SPRED1: variants seen among roughly 807,000 people sequenced by gnomAD.
SPRED1 encodes sprouty related EVH1 domain containing 1, also known as sprouty-related, EVH1 domain-containing protein 1.
SPRED1 carries 18 observed loss-of-function variants against 52.3 expected under a neutral mutation model. The ratio of observed to expected loss-of-function variants is 0.34; its 90% CI spans 0.24 to 0.51. The LOEUF (loss-of-function observed/expected upper bound fraction) is 0.51. SPRED1 is among the 20% of genes least tolerant of loss of function. The pLI is 0.97. For missense variants in SPRED1, 485 were observed against 551.0 expected (o/e 0.88, Z 1.20); for synonymous variants, 155 against 179.7 (o/e 0.86, Z 1.10).
intron 2 of SPRED1, among the ~76,000 whole-genome samples, chr15:38,310,644 TAG>T (rs1895347466): frequency 6.6e-6 from 1 of 152,240 alleles, no homozygotes; most frequent in Admixed American, 6.5e-5. Context: ...TTTCAACACA[TAG>T]ATCTTATATG....
intron 2 of SPRED1, among the ~76,000 whole-genome samples, chr15:38,308,251 G>A (rs779296510): frequency 6.6e-5 from 10 of 152,166 alleles, no homozygotes; most frequent in Non-Finnish European, 1.5e-4. Flanking sequence ...AATAATAAAT[G>A]CTGTGTACAC....
At chr15:38,259,553 T>TA (rs1186028837) in intron 1 of SPRED1, among the ~76,000 whole-genome samples, 1 of 152,118 alleles carries the variant, frequency 6.6e-6, no homozygotes, top group East Asian at 1.9e-4. Context: ...GCCCTCATTT[T>TA]AAAAAAGAGA....
chr15:38,349,309 G>A (rs896528625), intron 5 of SPRED1, 113 bp from the exon 6 acceptor site: 27 of 773,032 alleles, frequency 3.5e-5, no homozygotes, highest in Middle Eastern at 2.5e-4. Context: ...TCTCAAAACC[G>A]TTTTTGAAAA....
intron 1 of SPRED1, among the ~76,000 whole-genome samples, chr15:38,295,710 A>G (rs1895021946): frequency 6.6e-6 from 1 of 152,180 alleles, no homozygotes; most frequent in African/African-American, 2.4e-5. Context: ...ATAGAATTTT[A>G]ATTTATGAAC....
At chr15:38,328,359 T>G (rs1895747869) in intron 4 of SPRED1, among the ~76,000 whole-genome samples, 1 of 152,210 alleles carries the variant, frequency 6.6e-6, no homozygotes, top group Non-Finnish European at 1.5e-5. Context: ...GAGTACCTAT[T>G]TCTGCACCAA....
intron 4 of SPRED1, among the ~76,000 whole-genome samples, chr15:38,337,446 C>T (rs1159290853): frequency 6.6e-6 from 1 of 152,060 alleles, no homozygotes; most frequent in African/African-American, 2.4e-5. Flanking sequence ...CACTGAGACC[C>T]GTTTAGGTGT....
In SPRED1 at chr15:38,275,109, A is replaced by G. The variant is rs561108010; in HGVS notation, c.32+21892A>G. Among the ~76,000 whole-genome samples the G allele has an allele frequency of 4.6e-5, 7 of 152,300 alleles. No homozygotes were observed. In the East Asian group the frequency reaches 1.4e-3, roughly 29 times the overall value. On this transcript the variant is annotated intron_variant, in intron 1 of 6. Transcript: ENST00000299084. ...GCAACAATTACTGTGATGTTTGCCA[A>G]ATGATTTTTTTTCTACTTCCGTCAT...
intron 1 of SPRED1, among the ~76,000 whole-genome samples, chr15:38,264,996 G>T (rs904770068): frequency 1.3e-5 from 2 of 152,158 alleles, no homozygotes; most frequent in African/African-American, 4.8e-5. Context: ...GACTGATATT[G>T]CAGGGTTTTA....
chr15:38,272,276 G>GTTTTTTGTT (rs1894451573), intron 1 of SPRED1, among the ~76,000 whole-genome samples: 1 of 131,426 alleles, frequency 7.6e-6, no homozygotes, highest in Non-Finnish European at 1.6e-5. Context: ...CGAATGCTAG[G>GTTTTTTGTT]TTTTTTTTTT....
chr15:38,275,786 G>T (rs1167551401), intron 1 of SPRED1, among the ~76,000 whole-genome samples: 1 of 152,202 alleles, frequency 6.6e-6, no homozygotes, highest in Non-Finnish European at 1.5e-5. Flanking sequence ...GTGAGCCAGT[G>T]CACCCCGCCG....
At chr15:38,320,243 G>T (rs1002060578) in intron 2 of SPRED1, among the ~76,000 whole-genome samples, 1 of 152,116 alleles carries the variant, frequency 6.6e-6, no homozygotes, top group African/African-American at 2.4e-5. Context: ...CCCTCCAAAA[G>T]TATAAATTAG....
intron 1 of SPRED1, among the ~76,000 whole-genome samples, chr15:38,277,899 C>T (rs11073310): frequency 0.83 from 124,902 of 151,276 alleles, 52,278 homozygotes; most frequent in Non-Finnish European, 0.9. Context: ...TATGCTTGTT[C>T]ATGTATGTCT....
At position 38,354,946 on chromosome 15, in the gene SPRED1, G is replaced by T. The variant is rs1328798585; in HGVS notation, c.*3282G>T. 6.6e-6 allele frequency: 1 copy of T among 152,250 alleles called. No individual in the cohort carries two copies. Among genetic ancestry groups the T allele is most frequent in the Non-Finnish European group, 1.5e-5 (1 of 68,096 alleles). 9.4% of individuals were successfully genotyped at this position (152,250 alleles called of 1,614,324 possible). On this transcript the variant is annotated 3_prime_UTR_variant, in exon 7 of 7. Transcript: ENST00000299084. ...TTATCATGACAGCTTCAGAGAGTGT[G>T]TGTGTACGTTTTTCTCTCTTTTATT...
intron 1 of SPRED1, among the ~76,000 whole-genome samples, chr15:38,253,631 C>T (rs1894030022): frequency 6.6e-6 from 1 of 152,070 alleles, no homozygotes; most frequent in African/African-American, 2.4e-5. Flanking sequence ...GGGAGCACCT[C>T]CTGCAGCAAA....
At chr15:38,328,958 C>G (rs2140999673) in intron 4 of SPRED1, among the ~76,000 whole-genome samples, 1 of 152,248 alleles carries the variant, frequency 6.6e-6, no homozygotes, top group Admixed American at 6.5e-5. Flanking sequence ...TCAAGTGATC[C>G]ACCCACCCAC....
At chr15:38,284,698 G>A (rs1476586348) in intron 1 of SPRED1, among the ~76,000 whole-genome samples, 1 of 151,814 alleles carries the variant, frequency 6.6e-6, no homozygotes, top group African/African-American at 2.4e-5. Flanking sequence ...CCGATGGATA[G>A]ACTTTTACTT....
Position 38,352,255 on chromosome 15 carries a change from T to C in SPRED1, c.*591T>C, listed in dbSNP as rs1017239724. 5.2e-5 allele frequency: 8 copies of C among 152,622 alleles called. No individual in the cohort carries two copies. Among genetic ancestry groups the C allele is most frequent in the African/African-American group, 1.9e-4 (8 of 41,366 alleles). The allele number at this position is 152,622 out of a possible 1,614,324, so 9.5% of individuals were successfully genotyped here. On this transcript the variant is annotated 3_prime_UTR_variant, in exon 7 of 7. Coordinates refer to ENST00000299084, the MANE Select transcript of SPRED1 (RefSeq NM_152594.3). ...GTTCTGAAGTAGATATATATATATATATATCTACTGTCACATTCCATATAT... is the reference window on the plus strand; with the variant it reads ...GTTCTGAAGTAGATATATATATATACATATCTACTGTCACATTCCATATAT...
intron 2 of SPRED1, among the ~76,000 whole-genome samples, chr15:38,317,904 A>G (rs1460642570): frequency 6.6e-6 from 1 of 150,908 alleles, no homozygotes; most frequent in African/African-American, 2.4e-5. Flanking sequence ...TGTACTATAC[A>G]TTGTGTTTAG....
At chr15:38,294,332 A>G (rs1846046394) in intron 1 of SPRED1, among the ~76,000 whole-genome samples, 2 of 152,030 alleles carry the variant, frequency 1.3e-5, no homozygotes, top group African/African-American at 4.8e-5. Flanking sequence ...AACTTCCTCA[A>G]TTTGGTGGTT....
Sources: allele counts gnomAD v4.1 joint callset (sites outside exome capture counted in the v4.1 genomes callset), GRCh38; gene constraint gnomAD v4.1.1; transcripts MANE v1.5; gene names NCBI Gene and HGNC (gene_info 2026-07-23, HGNC 2026-07-21).